MRPL46: variants seen among roughly 807,000 people sequenced by gnomAD.
The protein encoded by MRPL46 is mitochondrial ribosomal protein L46.
In MRPL46, 26 loss-of-function variants were observed where a neutral mutation model predicts 31.0. That is an observed-to-expected ratio of 0.84 (90% CI 0.61 to 1.16). The LOEUF (loss-of-function observed/expected upper bound fraction) is 1.16, where lower values mean the gene tolerates loss of function less well. Ranked by LOEUF, MRPL46 falls within the 50% of genes most tolerant of loss-of-function variation. The pLI is 0.00. For missense variants in MRPL46, 395 were observed against 340.0 expected, an observed-to-expected ratio of 1.16 and a Z score of -1.27; for synonymous variants, 159 against 141.3, an observed-to-expected ratio of 1.13 and a Z score of -0.89.
At chr15:88,461,615 C>T (rs1196548392) in intron 3 of MRPL46, 3 of 152,072 alleles carry the variant, frequency 2.0e-5, no homozygotes, top group Non-Finnish European at 2.9e-5. Flanking sequence ...AAGGAAAAAA[C>T]CTGTACTTTC....
intron 3 of MRPL46, chr15:88,461,227 A>G (rs747020323): frequency 3.3e-5 from 5 of 152,240 alleles, no homozygotes; most frequent in Non-Finnish European, 7.3e-5. Context: ...ACAAAATGAC[A>G]AACTAGGAAA....
intron 3 of MRPL46, 82 bp from the exon 4 acceptor site, chr15:88,459,945 G>C (rs1360935583): frequency 1.9e-6 from 3 of 1,540,092 alleles, no homozygotes; most frequent in Admixed American, 3.6e-5. Context: ...AATTATAGGG[G>C]GTCCCTGCAA....
Position 88,467,241 on chromosome 15 carries a change from C to A in MRPL46, c.137G>T (p.Arg46Leu), listed in dbSNP as rs112650205. 55 of 1,614,116 alleles carry A rather than the reference C, an allele frequency of 3.4e-5. No homozygotes were observed. In the African/African-American group the frequency reaches 4.8e-4, roughly 14 times the overall value. The change falls in exon 1 of 4, where the codon CGC becomes CTC. Residue 46 changes from arginine to leucine, a missense_variant. Transcript: ENST00000312475. The stretch of plus-strand genomic sequence containing the variant: ...CTGCAGGCACAACGCGCCCAACAAG[C>A]GCCATGGGGATCCGTTGCTTGAGGG... ...AAPSSNGSPW[R>L]LLGALCLQRP...
Position 88,467,136 on chromosome 15 carries a change from C to T in MRPL46, c.228+14G>A, listed in dbSNP as rs777649411. ...AGAATAAACGTCACTCTGAACCCTG[C>T]ATCTCAGTCCCACCTGCTGCAGTAG... is the stretch of plus-strand genomic sequence containing the variant. On this transcript the variant is annotated intron_variant, in intron 1 of 3. Coordinates refer to ENST00000312475, the MANE Select transcript of MRPL46 (RefSeq NM_022163.4). The T allele has an allele frequency of 1.9e-6, 3 of 1,611,528 alleles. No homozygotes were observed. The highest frequency in any genetic ancestry group is 1.7e-6 in the Non-Finnish European group (2 of 1,178,006).
chr15:88,461,251 C>T (rs974420137), intron 3 of MRPL46: 12 of 151,964 alleles, frequency 7.9e-5, no homozygotes, highest in Non-Finnish European at 1.0e-4. Context: ...ATTTTCAACA[C>T]GTTCAACAAA....
chr15:88,464,950 C>T, intron 2 of MRPL46, 74 bp from the exon 3 acceptor site: 1 of 1,514,846 alleles, frequency 6.6e-7, no homozygotes, highest in Non-Finnish European at 8.9e-7. Context: ...GTTTTACAAT[C>T]TTCCTTTAAG....
chr15:88,465,725 C>T lies in MRPL46; in HGVS notation c.277G>A (p.Asp93Asn). ...LYSDHELRAL[D>N]ENQRLAKKKA... ...TTCTTTGCCAGTCGCTGGTTTTCAT[C>T]CAGAGCACGAAGCTCGTGGTCTGAA... Residue 93 changes from aspartate (D) to asparagine (N), a missense_variant, in exon 2 of 4, where the codon GAT becomes AAT. By Grantham distance (23) the Asp-to-Asn change is conservative. Transcript: ENST00000312475. 1 of 1,613,656 alleles carries T rather than the reference C, an allele frequency of 6.2e-7. No individual in the cohort carries two copies. Among genetic ancestry groups the T allele is most frequent in the Non-Finnish European group, 8.5e-7 (1 of 1,179,946 alleles).
Position 88,459,480 on chromosome 15 carries a change from G to T in MRPL46, c.*133C>A. On this transcript the variant is annotated 3_prime_UTR_variant, in exon 4 of 4. Transcript: ENST00000312475. ...GGGCAAATCAGCTGAGACCAACACA[G>T]TAATAGACTCGTTTATTTCTCAGAA... 1 of 1,377,914 alleles carries T rather than the reference G, an allele frequency of 7.3e-7. No individual in the cohort carries two copies. The highest frequency in any genetic ancestry group is 9.9e-7 in the Non-Finnish European group (1 of 1,009,092). The allele number at this position is 1,377,914 out of a possible 1,614,324, so 85.4% of individuals were successfully genotyped here. A position where few individuals can be genotyped will look rare whatever the true frequency, so the allele number is the denominator to read the frequency against.
intron 1 of MRPL46, among the ~76,000 whole-genome samples, chr15:88,466,461 C>T (rs1480192083): frequency 2.0e-5 from 3 of 152,200 alleles, no homozygotes; most frequent in African/African-American, 7.2e-5. Flanking sequence ...GCTACTTCTG[C>T]CTTATTCATT....
rs74858286 is a variant in MRPL46 at position 88,467,271 on chromosome 15, G to C, written c.107C>G (p.Ala36Gly). Residue 36 changes from alanine (A) to glycine (G), a missense_variant, in exon 1 of 4, where the codon GCC (alanine) becomes GGC (glycine). Coordinates refer to ENST00000312475, the MANE Select transcript of MRPL46 (RefSeq NM_022163.4). ...SLSSRSLALA[A>G]APSSNGSPWR... is the part of the protein sequence containing the mutation. Reference sequence around the variant, plus strand: ...TGGGGATCCGTTGCTTGAGGGTGCGGCTGCAAGAGCCAGGCTGCGAGAGCT... The same window carrying C: ...TGGGGATCCGTTGCTTGAGGGTGCGCCTGCAAGAGCCAGGCTGCGAGAGCT... 1 of 1,613,834 alleles carries C rather than the reference G, an allele frequency of 6.2e-7. No individual in the cohort carries two copies. Among genetic ancestry groups the C allele is most frequent in the Middle Eastern group, 1.7e-4 (1 of 6,060 alleles).
At chr15:88,461,525 A>C (rs2055477329) in intron 3 of MRPL46, 1 of 152,256 alleles carries the variant, frequency 6.6e-6, no homozygotes, top group African/African-American at 2.4e-5. Context: ...CTTATTAATA[A>C]TTTAAAGAAA....
intron 3 of MRPL46, chr15:88,462,107 G>A (rs6496486): frequency 6.6e-6 from 1 of 151,670 alleles, no homozygotes; most frequent in Non-Finnish European, 1.5e-5. Flanking sequence ...CTACATTTAC[G>A]AGACACCGAT....
intron 1 of MRPL46, among the ~76,000 whole-genome samples, chr15:88,466,769 G>C (rs527822636): frequency 6.6e-6 from 1 of 152,290 alleles, no homozygotes; most frequent in Admixed American, 6.5e-5. Flanking sequence ...AGATAAAACA[G>C]AGTAGGCTTA....
chr15:88,463,384 T>C lies in MRPL46; in HGVS notation c.589+1319A>G, dbSNP rs2055494213. On this transcript the variant is annotated intron_variant, in intron 3 of 3. Transcript: ENST00000312475. The surrounding 1 kb of genome is among the most constrained non-coding windows in gnomAD (Gnocchi z 5.4). ...GAGAGGAACAGATACTGCCCACATGTTTAAGGAAGTCAAAATTCTGACTAG... is the reference window on the plus strand; with the variant it reads ...GAGAGGAACAGATACTGCCCACATGCTTAAGGAAGTCAAAATTCTGACTAG... 1 of 152,158 alleles carries C rather than the reference T, an allele frequency of 6.6e-6. No homozygotes were observed. The highest frequency in any genetic ancestry group is 6.5e-5 in the Admixed American group (1 of 15,280). 9.4% of individuals were successfully genotyped at this position (152,158 alleles called of 1,614,324 possible).
Position 88,465,632 on chromosome 15 carries a change from A to C in MRPL46, c.370T>G (p.Trp124Gly), listed in dbSNP as rs1390039107. The change falls in exon 2 of 4, where the codon TGG becomes GGG. Residue 124 changes from tryptophan (W) to glycine (G), a missense_variant. Transcript: ENST00000312475. Reference protein sequence around the residue: ...ILLAQDLEDMWEQKFLQFKLG... With the variant: ...ILLAQDLEDMGEQKFLQFKLG... ...TTGAACTGTAGAAATTTCTGCTCCCACATATCTTCCAAATCTTGCGCCAGC... is the reference window on the plus strand; with the variant it reads ...TTGAACTGTAGAAATTTCTGCTCCCCCATATCTTCCAAATCTTGCGCCAGC... 1 of 1,613,164 alleles carries C rather than the reference A, an allele frequency of 6.2e-7. No individual in the cohort carries two copies. Among genetic ancestry groups the C allele is most frequent in the African/African-American group, 1.3e-5 (1 of 74,828 alleles).
In MRPL46 at chr15:88,459,845, T is replaced by C. The variant is rs368264703; in HGVS notation, c.608A>G (p.Lys203Arg). The change falls in exon 4 of 4, where the codon AAG becomes AGG. Residue 203 changes from lysine to arginine, a missense_variant. By Grantham distance (26) the Lys-to-Arg change is conservative. Coordinates refer to ENST00000312475, the MANE Select transcript of MRPL46 (RefSeq NM_022163.4). Reference sequence around the variant, plus strand: ...CCCACAGGGTGCATTTCCTAGGAACTTGGCTTCCATGTTGTTTTCTGAAGA... The same window carrying C: ...CCCACAGGGTGCATTTCCTAGGAACCTGGCTTCCATGTTGTTTTCTGAAGA... ...ATLSENNMEA[K>R]FLGNAPCGHY... The C allele has an allele frequency of 6.2e-6, 10 of 1,613,978 alleles. No individual in the cohort carries two copies. Among genetic ancestry groups the C allele is most frequent in the African/African-American group, 1.3e-5 (1 of 74,920 alleles).
chr15:88,465,768 C>A lies in MRPL46; in HGVS notation c.234G>T (p.Glu78Asp). 6.4e-7 allele frequency: 1 copy of A among 1,573,576 alleles called. No individual in the cohort carries two copies. Reference sequence around the variant, plus strand: ...GGTCTGAATACAGGCTTCTCTCTATCTCAATCTGGGAAAATTCAAAGGGCA... The same window carrying A: ...GGTCTGAATACAGGCTTCTCTCTATATCAATCTGGGAAAATTCAAAGGGCA... ...EEMASLLQQI[E>D]IERSLYSDHE... is the part of the protein sequence containing the mutation. Residue 78 changes from glutamate (E) to aspartate (D), a missense_variant, in exon 2 of 4, where the codon GAG (glutamate) becomes GAT (aspartate). Glu to Asp is a conservative substitution (Grantham distance 45). Transcript: ENST00000312475.
chr15:88,462,064 G>A (rs892697738), intron 3 of MRPL46: 2 of 152,022 alleles, frequency 1.3e-5, no homozygotes, highest in African/African-American at 4.8e-5. Flanking sequence ...ATTAATAGAG[G>A]TTGCTTCTGA....
chr15:88,467,098 C>T (rs1232578944), intron 1 of MRPL46, 52 bp downstream of exon 1: 3 of 1,585,556 alleles, frequency 1.9e-6, no homozygotes, highest in Non-Finnish European at 2.6e-6. Context: ...AAATTACTCG[C>T]TCAAAGTCAC....
Sources: allele counts gnomAD v4.1 joint callset (sites outside exome capture counted in the v4.1 genomes callset), GRCh38; gene constraint gnomAD v4.1.1; non-coding constraint Gnocchi (gnomAD v3.1); transcripts MANE v1.5; gene names NCBI Gene and HGNC (gene_info 2026-07-23, HGNC 2026-07-21).